The following SASH1 variants were observed in gnomAD, a reference collection of about 807,000 sequenced individuals.
SASH1 encodes the protein SAM and SH3 domain-containing protein 1.
Under a neutral mutation model 125.2 loss-of-function variants are expected in SASH1, and 44 were observed. The observed-to-expected ratio is 0.35, with a 90% confidence interval of 0.28 to 0.45. The LOEUF (loss-of-function observed/expected upper bound fraction) is 0.45. Ranked by LOEUF, SASH1 falls within the 20% of genes least tolerant of loss-of-function variation. The pLI, the probability that SASH1 is intolerant of heterozygous loss-of-function variation, is 1.00. For synonymous variants in SASH1, 639 were observed against 649.1 expected (o/e 0.98, Z 0.24); for missense variants, 1,426 against 1,614.5 (o/e 0.88, Z 2.00).
intron 1 of SASH1, among the ~76,000 whole-genome samples, chr6:148,295,634 C>T (rs1234931334): frequency 6.6e-6 from 1 of 152,240 alleles, no homozygotes; most frequent in Non-Finnish European, 1.5e-5. Context: ...AGAGAGTTAT[C>T]TCGGCAGCCT....
chr6:148,422,754 A>C (rs1451349813), intron 2 of SASH1, among the ~76,000 whole-genome samples: 1 of 131,276 alleles, frequency 7.6e-6, no homozygotes. Context: ...ATTTATGTAT[A>C]TTACATTGGA....
chr6:148,411,460 A>G lies in SASH1; in HGVS notation c.285+21198A>G, dbSNP rs557750405. Among the ~76,000 whole-genome samples, 13 of 152,342 alleles carry G rather than the reference A, an allele frequency of 8.5e-5. No homozygotes were observed. The East Asian group carries it at 2.3e-3, about 27-fold the overall frequency. On this transcript the variant is annotated intron_variant, in intron 2 of 19. Transcript: ENST00000367467. Reference sequence around the variant, plus strand: ...CCTCAGCATGTACAAGGCTGTATCTAAACTTTATAAAAGAAAACAGAAATG... The same window carrying G: ...CCTCAGCATGTACAAGGCTGTATCTGAACTTTATAAAAGAAAACAGAAATG...
chr6:148,366,823 C>G (rs1205665741), intron 1 of SASH1, among the ~76,000 whole-genome samples: 3 of 152,080 alleles, frequency 2.0e-5, no homozygotes, highest in Admixed American at 1.3e-4. Context: ...GTCTCAAACT[C>G]CTGACCTCCT....
chr6:148,259,027 G>A, the SASH1 span, among the ~76,000 whole-genome samples: 4 of 152,194 alleles, frequency 2.6e-5, no homozygotes, highest in Admixed American at 2.6e-4. Context: ...CCATGTTCCA[G>A]TGCAAACAGC....
the SASH1 span, among the ~76,000 whole-genome samples, chr6:148,229,133 CAAAAAAAAA>C: frequency 1.6e-5 from 1 of 60,970 alleles, no homozygotes; most frequent in African/African-American, 6.6e-5. Flanking sequence ...GACTCCATCT[CAAAAAAAAA>C]AAAAAAAAAA....
intron 10 of SASH1, chr6:148,520,133 C>T (rs1406923432): frequency 9.7e-6 from 5 of 518,092 alleles, no homozygotes; most frequent in African/African-American, 3.8e-5. Flanking sequence ...GCGGCTTCCC[C>T]GGCAGGAGGG....
rs150727881 is a variant in SASH1, at chr6:148,544,527, G to C, written c.3057G>C (p.Leu1019=). ...TCCCCAGTCCCGATGCGCCATGCCT[G>C]CCAGTGAAAAGGGGCAGCCCCGCCA... The part of the protein sequence containing the change: ...GALPSPDAPC[L]PVKRGSPASP... Residue 1019 remains leucine (L), a synonymous_variant, in exon 18 of 20, where the codon CTG becomes CTC. Transcript: ENST00000367467. The surrounding 1 kb of genome is among the most constrained non-coding windows in gnomAD (Gnocchi z 6.4). 2.6e-5 allele frequency: 42 copies of C among 1,613,226 alleles called. No homozygotes were observed. In the African/African-American group the frequency reaches 4.7e-4, roughly 18 times the overall value.
chr6:148,501,391 G>A (rs994424295), intron 8 of SASH1, among the ~76,000 whole-genome samples: 3 of 152,120 alleles, frequency 2.0e-5, no homozygotes, highest in Non-Finnish European at 2.9e-5. Context: ...CCTTAAATGC[G>A]TATGTAATTG....
At chr6:148,404,668 C>T (rs1159134522) in intron 2 of SASH1, among the ~76,000 whole-genome samples, 2 of 125,278 alleles carry the variant, frequency 1.6e-5, no homozygotes, top group Admixed American at 8.4e-5. Flanking sequence ...CTATCGTACC[C>T]TCATCCCAAC....
At chr6:148,387,632 CTTTCTTTCTTTCTTTCT>C (rs1783493559) in intron 1 of SASH1, among the ~76,000 whole-genome samples, 1 of 37,238 alleles carries the variant, frequency 2.7e-5, no homozygotes. Context: ...TTCTTTCTTT[CTTTCTTTCTTTCTTTCT>C]TTCTTTCTTT....
chr6:148,331,467 T>A (rs552273533), intron 1 of SASH1, among the ~76,000 whole-genome samples: 3 of 151,978 alleles, frequency 2.0e-5, no homozygotes, highest in Non-Finnish European at 2.9e-5. Flanking sequence ...GTGGCTGGGA[T>A]TACAGGTTCC....
chr6:148,210,728 C>A, the SASH1 span, among the ~76,000 whole-genome samples: 1 of 152,064 alleles, frequency 6.6e-6, no homozygotes, highest in African/African-American at 2.4e-5. Flanking sequence ...TCTACAAAGC[C>A]TTTCAGAGTT....
At chr6:148,334,332 G>A (rs1221272000) in intron 1 of SASH1, among the ~76,000 whole-genome samples, 1 of 148,224 alleles carries the variant, frequency 6.7e-6, no homozygotes, top group Non-Finnish European at 1.5e-5. Flanking sequence ...GGAGGCTGAG[G>A]CAGGAGAATG....
intron 2 of SASH1, among the ~76,000 whole-genome samples, chr6:148,425,589 C>T (rs1775776400): frequency 6.6e-6 from 1 of 151,906 alleles, no homozygotes; most frequent in Admixed American, 6.6e-5. Context: ...GTAAGCTCAA[C>T]ATTCTTGAAA....
intron 4 of SASH1, among the ~76,000 whole-genome samples, chr6:148,456,195 C>A (rs1413658811): frequency 6.6e-6 from 1 of 152,152 alleles, no homozygotes; most frequent in African/African-American, 2.4e-5. Flanking sequence ...CCCTTCCCCA[C>A]CCCAGGCCGA....
intron 1 of SASH1, among the ~76,000 whole-genome samples, chr6:148,330,143 A>T (rs762972092): frequency 1.3e-5 from 2 of 152,226 alleles, no homozygotes; most frequent in Admixed American, 6.5e-5. Flanking sequence ...AGAATGTTAT[A>T]TTCAGCTCAC....
intron 4 of SASH1, among the ~76,000 whole-genome samples, chr6:148,450,990 A>G (rs576498648): frequency 1.1e-4 from 17 of 152,330 alleles, no homozygotes; most frequent in African/African-American, 3.8e-4. Flanking sequence ...GAGCATAGTA[A>G]GTGCTTGATA....
intron 2 of SASH1, among the ~76,000 whole-genome samples, chr6:148,417,586 T>G (rs936828337): frequency 2.0e-5 from 3 of 150,458 alleles, no homozygotes; most frequent in Admixed American, 1.3e-4. Context: ...TCTGTCAAAA[T>G]AAATAAATAA....
intron 4 of SASH1, among the ~76,000 whole-genome samples, chr6:148,467,735 C>G (rs1004248525): frequency 2.6e-5 from 4 of 152,050 alleles, no homozygotes; most frequent in Admixed American, 6.6e-5. Context: ...TCAGGAGTTC[C>G]AGACCATCCT....
Sources: allele counts gnomAD v4.1 joint callset (sites outside exome capture counted in the v4.1 genomes callset), GRCh38; gene constraint gnomAD v4.1.1; non-coding constraint Gnocchi (gnomAD v3.1); transcripts MANE v1.5; gene names NCBI Gene and HGNC (gene_info 2026-07-23, HGNC 2026-07-21).